Variants in LRRC4C observed in about 807,000 individuals in gnomAD.
LRRC4C encodes leucine-rich repeat-containing protein 4C.
A neutral mutation model predicts 33.6 loss-of-function variants in LRRC4C; 5 were observed. The ratio of observed to expected loss-of-function variants is 0.15; its 90% CI spans 0.08 to 0.31. LRRC4C has a LOEUF of 0.31. LRRC4C is among the 10% of genes least tolerant of loss of function. The pLI is 1.00. For missense variants in LRRC4C, 560 were observed against 796.7 expected, an observed-to-expected ratio of 0.70 and a Z score of 3.58; for synonymous variants, 329 against 302.0, an observed-to-expected ratio of 1.09 and a Z score of -0.93.
At chr11:41,332,043 T>C (rs981280301) in intron 1 of LRRC4C, among the ~76,000 whole-genome samples, 61 of 152,186 alleles carry the variant, frequency 4.0e-4, no homozygotes, top group African/African-American at 1.5e-3. Context: ...CTATGTAAAA[T>C]GTAAAATCCA....
At chr11:40,463,581 C>G (rs907183629) in intron 3 of LRRC4C, among the ~76,000 whole-genome samples, 16 of 152,000 alleles carry the variant, frequency 1.1e-4, no homozygotes, top group African/African-American at 3.6e-4. Context: ...GGAAATAACT[C>G]AATGTAAAAA....
At chr11:40,515,144 A>C (rs1298058069) in intron 3 of LRRC4C, among the ~76,000 whole-genome samples, 1 of 152,150 alleles carries the variant, frequency 6.6e-6, no homozygotes, top group African/African-American at 2.4e-5. Flanking sequence ...TTAGAGTCTA[A>C]GTTCCACAGT....
intron 2 of LRRC4C, among the ~76,000 whole-genome samples, chr11:40,681,004 G>T (rs1221042768): frequency 6.6e-6 from 1 of 152,130 alleles, no homozygotes; most frequent in Non-Finnish European, 1.5e-5. Context: ...TTATTGGACA[G>T]CACAGGTGTA....
intron 2 of LRRC4C, among the ~76,000 whole-genome samples, chr11:40,844,981 G>A (rs949633987): frequency 6.6e-6 from 1 of 151,014 alleles, no homozygotes; most frequent in Non-Finnish European, 1.5e-5. Flanking sequence ...AGAAAGCTAG[G>A]GTTTCTTTTG....
At chr11:41,227,923 CA>C (rs930732270) in intron 1 of LRRC4C, among the ~76,000 whole-genome samples, 1 of 151,944 alleles carries the variant, frequency 6.6e-6, no homozygotes. Flanking sequence ...GACATTTATA[CA>C]TTTTTAACAT....
chr11:40,652,697 C>A (rs1393931734), intron 2 of LRRC4C, among the ~76,000 whole-genome samples: 2 of 152,188 alleles, frequency 1.3e-5, no homozygotes, highest in Non-Finnish European at 1.5e-5. Flanking sequence ...TCTACTGCAT[C>A]TTTCTACTTA....
At chr11:40,723,341 C>A (rs2136699236) in intron 2 of LRRC4C, among the ~76,000 whole-genome samples, 1 of 151,648 alleles carries the variant, frequency 6.6e-6, no homozygotes, top group South Asian at 2.1e-4. Context: ...AAAAAAAATT[C>A]TAAAAGGCAG....
chr11:40,957,644 T>C (rs1330480314), intron 1 of LRRC4C, among the ~76,000 whole-genome samples: 1 of 151,830 alleles, frequency 6.6e-6, no homozygotes, highest in Non-Finnish European at 1.5e-5. Flanking sequence ...AAAGAGATGG[T>C]ACTAGAAATT....
In LRRC4C at chr11:41,394,294, T is replaced by C. The variant is rs1425842822; in HGVS notation, c.-496+65137A>G. On this transcript the variant is annotated intron_variant, in intron 1 of 6. Transcript: ENST00000528697. The stretch of plus-strand genomic sequence containing the variant: ...GAGGGAAATCTACAAAATGGACTCT[T>C]CCAGCTTCTCTCTATACCTTCCTTC... 3.3e-5 allele frequency among the ~76,000 whole-genome samples: 5 copies of C among 152,094 alleles called. No homozygotes were observed. The East Asian group carries it at 7.8e-4, about 24-fold the overall frequency.
chr11:40,592,120 T>C (rs981776342), intron 3 of LRRC4C, among the ~76,000 whole-genome samples: 1 of 152,218 alleles, frequency 6.6e-6, no homozygotes, highest in Non-Finnish European at 1.5e-5. Context: ...AGTACAATGA[T>C]GGGCCAACCC....
At chr11:40,780,144 T>C (rs546086658) in intron 2 of LRRC4C, among the ~76,000 whole-genome samples, 1 of 152,256 alleles carries the variant, frequency 6.6e-6, no homozygotes, top group Non-Finnish European at 1.5e-5. Flanking sequence ...ACATCCATCA[T>C]ATTAAAAAGG....
intron 1 of LRRC4C, among the ~76,000 whole-genome samples, chr11:41,182,255 C>T (rs967559997): frequency 2.0e-5 from 3 of 152,154 alleles, no homozygotes; most frequent in Admixed American, 2.0e-4. Flanking sequence ...AACACTAAAG[C>T]AATTTCCAGT....
intron 1 of LRRC4C, among the ~76,000 whole-genome samples, chr11:41,253,325 A>C (rs765623509): frequency 6.6e-6 from 1 of 152,072 alleles, no homozygotes; most frequent in Non-Finnish European, 1.5e-5. Flanking sequence ...TCCCACTAAA[A>C]ATTTCAATGT....
chr11:40,186,090 C>T (rs1861378808), intron 5 of LRRC4C, among the ~76,000 whole-genome samples: 1 of 152,176 alleles, frequency 6.6e-6, no homozygotes, highest in South Asian at 2.1e-4. Flanking sequence ...AAGACGGCAC[C>T]TTGATTGTTT....
intron 4 of LRRC4C, among the ~76,000 whole-genome samples, chr11:40,288,254 A>G (rs1943975738): frequency 6.6e-6 from 1 of 152,200 alleles, no homozygotes; most frequent in South Asian, 2.1e-4. Context: ...CATCTTTAGG[A>G]AGCATGCAAA....
rs187823352 is a variant in LRRC4C, at chr11:40,226,203, T to C, written c.-96+15316A>G. ...TAATCTCAACTTATCTTGTTCAAAG[T>C]CTTAAGCTCATTCCACTATGACTCA... On this transcript the variant is annotated intron_variant, in intron 5 of 6. Transcript: ENST00000528697. 6.8e-4 allele frequency among the ~76,000 whole-genome samples: 103 copies of C among 152,288 alleles called. 1 individual carries two copies. The highest frequency in any genetic ancestry group is 2.4e-3 in the African/African-American group (101 of 41,568).
At chr11:40,958,855 A>G (rs937967166) in intron 1 of LRRC4C, among the ~76,000 whole-genome samples, 1 of 151,740 alleles carries the variant, frequency 6.6e-6, no homozygotes, top group African/African-American at 2.4e-5. Flanking sequence ...AAAGAAAACC[A>G]GGGCCTGTAT....
At chr11:41,398,047 G>T (rs1953886137) in intron 1 of LRRC4C, among the ~76,000 whole-genome samples, 1 of 151,898 alleles carries the variant, frequency 6.6e-6, no homozygotes, top group Admixed American at 6.6e-5. Flanking sequence ...GTTTAATGGG[G>T]ATGCACTTGT....
At chr11:40,798,393 G>A (rs1950914431) in intron 2 of LRRC4C, among the ~76,000 whole-genome samples, 1 of 152,030 alleles carries the variant, frequency 6.6e-6, no homozygotes, top group South Asian at 2.1e-4. Flanking sequence ...TTGGCCATAG[G>A]GGAAGCTTGC....
Sources: allele counts gnomAD v4.1 joint callset (sites outside exome capture counted in the v4.1 genomes callset), GRCh38; gene constraint gnomAD v4.1.1; transcripts MANE v1.5; gene names NCBI Gene and HGNC (gene_info 2026-07-23, HGNC 2026-07-21).